TCF12: variants seen among roughly 807,000 people sequenced by gnomAD.
The protein encoded by TCF12 is transcription factor 12, also known as DNA-binding protein HTF4.
TCF12 carries 45 observed loss-of-function variants against 86.0 expected under a neutral mutation model. The ratio of observed to expected loss-of-function variants is 0.52; its 90% CI spans 0.41 to 0.67. The LOEUF (loss-of-function observed/expected upper bound fraction) is 0.67, where lower values mean the gene tolerates loss of function less well. Ranked by LOEUF, TCF12 falls within the 30% of genes least tolerant of loss-of-function variation. TCF12 has a pLI of 0.00. For missense variants in TCF12, 881 were observed against 859.9 expected, an observed-to-expected ratio of 1.02 and a Z score of -0.31; for synonymous variants, 330 against 299.6, an observed-to-expected ratio of 1.10 and a Z score of -1.05.
chr15:56,940,137 A>G (rs2060665878), intron 3 of TCF12, among the ~76,000 whole-genome samples: 1 of 151,586 alleles, frequency 6.6e-6, no homozygotes, highest in African/African-American at 2.4e-5. Context: ...TGGAAACAAT[A>G]TTTTTTCTAA....
intron 6 of TCF12, among the ~76,000 whole-genome samples, chr15:57,167,330 G>T (rs573136637): frequency 2.6e-5 from 4 of 152,188 alleles, no homozygotes; most frequent in Non-Finnish European, 5.9e-5. Flanking sequence ...GGAGACTGAG[G>T]TAGGAGAATC....
At chr15:57,051,438 T>C (rs1252962673) in intron 3 of TCF12, among the ~76,000 whole-genome samples, 1 of 148,772 alleles carries the variant, frequency 6.7e-6, no homozygotes, top group African/African-American at 2.6e-5. Flanking sequence ...TCCAGTCACA[T>C]TGGCATTCTC....
chr15:56,955,523 C>T (rs1456482341), intron 3 of TCF12, among the ~76,000 whole-genome samples: 61 of 152,094 alleles, frequency 4.0e-4, no homozygotes, highest in Non-Finnish European at 3.7e-4. Flanking sequence ...GCAGGTTGTG[C>T]ACATGTACCC....
intron 5 of TCF12, among the ~76,000 whole-genome samples, chr15:57,144,861 C>G (rs1322661898): frequency 6.6e-6 from 1 of 152,164 alleles, no homozygotes; most frequent in Non-Finnish European, 1.5e-5. Context: ...CTCAACCTCC[C>G]AAAGTGCTGG....
At chr15:57,120,147 T>TA (rs1337294175) in intron 5 of TCF12, among the ~76,000 whole-genome samples, 1 of 152,248 alleles carries the variant, frequency 6.6e-6, no homozygotes, top group Non-Finnish European at 1.5e-5. Flanking sequence ...ATTTGCTAGA[T>TA]ACTGCGTTGA....
At chr15:56,940,975 G>A (rs1418533899) in intron 3 of TCF12, among the ~76,000 whole-genome samples, 2 of 146,158 alleles carry the variant, frequency 1.4e-5, no homozygotes, top group Non-Finnish European at 3.0e-5. Context: ...TGACCAGGCT[G>A]GTCTCAAACT....
At chr15:56,988,976 G>A (rs1387294218) in intron 3 of TCF12, among the ~76,000 whole-genome samples, 16 of 151,894 alleles carry the variant, frequency 1.1e-4, no homozygotes, top group Non-Finnish European at 2.2e-4. Context: ...TACTATAATC[G>A]TGTTTAAACT....
chr15:57,078,301 G>A (rs571733989), intron 4 of TCF12, among the ~76,000 whole-genome samples: 14 of 152,082 alleles, frequency 9.2e-5, no homozygotes, highest in Non-Finnish European at 1.6e-4. Flanking sequence ...TGGCGGACTG[G>A]TTTGTACCTC....
At chr15:57,243,651 C>G (rs2059728980) in intron 13 of TCF12, 101 bp downstream of exon 13, 1 of 1,042,286 alleles carries the variant, frequency 9.6e-7, no homozygotes, top group East Asian at 2.5e-5. Context: ...TGTGAAAAAT[C>G]ATTTAGATTT....
intron 3 of TCF12, among the ~76,000 whole-genome samples, chr15:56,946,500 C>G (rs971310639): frequency 6.6e-6 from 1 of 152,008 alleles, no homozygotes; most frequent in Non-Finnish European, 1.5e-5. Flanking sequence ...AGTCATTGAG[C>G]AATTTATAAT....
intron 18 of TCF12, among the ~76,000 whole-genome samples, chr15:57,263,595 G>T (rs997504480): frequency 6.6e-6 from 1 of 151,884 alleles, no homozygotes; most frequent in Non-Finnish European, 1.5e-5. Context: ...TAAATCATGT[G>T]GTACGGACAT....
At chr15:57,251,458 G>T in intron 14 of TCF12, 35 bp downstream of exon 14, 1 of 1,600,262 alleles carries the variant, frequency 6.2e-7, no homozygotes, top group Non-Finnish European at 8.6e-7. Context: ...TTATCTGATA[G>T]CTTAGAGTTT....
chr15:57,010,078 T>G (rs372164429), intron 3 of TCF12, among the ~76,000 whole-genome samples: 14 of 152,116 alleles, frequency 9.2e-5, no homozygotes, highest in African/African-American at 3.4e-4. Context: ...TTCTGACTCT[T>G]TACTCTGCAT....
chr15:57,008,183 G>A (rs1033042664), intron 3 of TCF12, among the ~76,000 whole-genome samples: 9 of 149,952 alleles, frequency 6.0e-5, no homozygotes, highest in Non-Finnish European at 7.4e-5. Flanking sequence ...GCCCAGACTG[G>A]TTGTGTACTC....
At chr15:57,196,487 A>G (rs1408573999) in intron 7 of TCF12, among the ~76,000 whole-genome samples, 4 of 152,174 alleles carry the variant, frequency 2.6e-5, no homozygotes, top group African/African-American at 9.7e-5. Flanking sequence ...TACAGCTTTC[A>G]AAAGTATTAC....
chr15:57,080,236 C>T (rs1161448911), intron 4 of TCF12, among the ~76,000 whole-genome samples: 25 of 152,194 alleles, frequency 1.6e-4, no homozygotes, highest in African/African-American at 5.6e-4. Flanking sequence ...GTTACACCTA[C>T]CTCTCATAAC....
intron 3 of TCF12, among the ~76,000 whole-genome samples, chr15:57,027,145 T>A (rs1407424942): frequency 6.6e-6 from 1 of 152,158 alleles, no homozygotes; most frequent in Non-Finnish European, 1.5e-5. Flanking sequence ...AGTTTTGAGA[T>A]CTGTTTTGAT....
At chr15:57,109,645 A>G (rs1244605438) in intron 5 of TCF12, among the ~76,000 whole-genome samples, 3 of 152,188 alleles carry the variant, frequency 2.0e-5, no homozygotes, top group African/African-American at 7.2e-5. Flanking sequence ...ATTGTTGCGT[A>G]TAGTATTTTA....
chr15:57,202,511 C>G (rs537104530), intron 8 of TCF12, among the ~76,000 whole-genome samples: 3 of 149,636 alleles, frequency 2.0e-5, no homozygotes, highest in South Asian at 2.1e-4. Flanking sequence ...TCTCAGCTCA[C>G]TGCAAGCTCC....
Sources: allele counts gnomAD v4.1 joint callset (sites outside exome capture counted in the v4.1 genomes callset), GRCh38; gene constraint gnomAD v4.1.1; transcripts MANE v1.5; gene names NCBI Gene and HGNC (gene_info 2026-07-23, HGNC 2026-07-21).